The following CNTN5 variants were observed in gnomAD, a reference collection of about 807,000 sequenced individuals.
CNTN5 encodes the protein contactin-5.
CNTN5 carries 77 observed loss-of-function variants against 129.1 expected under a neutral mutation model. The ratio of observed to expected loss-of-function variants is 0.60; its 90% CI spans 0.50 to 0.72. CNTN5 has a LOEUF of 0.72. CNTN5 is among the 30% of genes least tolerant of loss of function. The pLI, the probability that CNTN5 is intolerant of heterozygous loss-of-function variation, is 0.00. For missense variants in CNTN5, 1,478 were observed against 1,328.8 expected (o/e 1.11, Z -1.75); for synonymous variants, 509 against 465.6 (o/e 1.09, Z -1.20).
chr11:99,728,791 T>TA lies in CNTN5; in HGVS notation c.56-90745dup, dbSNP rs954748566. Among the ~76,000 whole-genome samples the TA allele has an allele frequency of 2.6e-4, 40 of 151,794 alleles. No individual in the cohort carries two copies. The East Asian group carries it at 2.7e-3, about 10-fold the overall frequency. ...GCAAAAAGTCTGAGGTCTGAGGAGT[T>TA]AAAAAAAACAGTCAGCAGTCACTGG... On this transcript the variant is annotated intron_variant, in intron 3 of 24. Transcript: ENST00000524871.
chr11:99,243,753 T>C (rs1861682485), intron 1 of CNTN5, among the ~76,000 whole-genome samples: 1 of 146,542 alleles, frequency 6.8e-6, no homozygotes, highest in Admixed American at 7.4e-5. Context: ...TTTTTTTTTT[T>C]TGGAGATCAG....
rs76604953 is a variant in CNTN5, at chr11:100,200,787, A to G, written c.1884+7124A>G. Among the ~76,000 whole-genome samples, 251 of 152,094 alleles carry G rather than the reference A, an allele frequency of 1.7e-3. 2 individuals are homozygous for G. The East Asian group carries it at 0.032, about 20-fold the overall frequency. ...AAATAGAAGACACTCCTTACTCCTT[A>G]GAATTTGCTCTCCTAGGTTGTAAAT... On this transcript the variant is annotated intron_variant, in intron 15 of 24. Transcript: ENST00000524871.
chr11:99,538,896 C>T (rs1041331531), intron 2 of CNTN5, among the ~76,000 whole-genome samples: 1 of 152,040 alleles, frequency 6.6e-6, no homozygotes, highest in Admixed American at 6.6e-5. Flanking sequence ...TATTAATATG[C>T]TTAAATTTTC....
intron 3 of CNTN5, among the ~76,000 whole-genome samples, chr11:99,644,903 G>A (rs75044512): frequency 0.012 from 1,768 of 151,844 alleles, 35 homozygotes; most frequent in African/African-American, 0.04. Flanking sequence ...ATTGCACTTC[G>A]TATTTTAAAT....
chr11:99,516,685 T>G (rs747283785), intron 2 of CNTN5, among the ~76,000 whole-genome samples: 2 of 152,154 alleles, frequency 1.3e-5, no homozygotes, highest in African/African-American at 4.8e-5. Context: ...ACACTTGTTT[T>G]CAAAATATAT....
intron 7 of CNTN5, among the ~76,000 whole-genome samples, chr11:99,916,900 G>A (rs891542728): frequency 2.6e-5 from 4 of 152,010 alleles, no homozygotes; most frequent in Non-Finnish European, 5.9e-5. Flanking sequence ...AGGAATGAAG[G>A]CCTTAATTAA....
At chr11:99,057,304 G>A (rs1050759418) in intron 1 of CNTN5, among the ~76,000 whole-genome samples, 8 of 151,968 alleles carry the variant, frequency 5.3e-5, no homozygotes, top group Admixed American at 3.3e-4. Flanking sequence ...TATAAAGTTC[G>A]TATCTAACCA....
chr11:99,965,371 G>T (rs149480100), intron 8 of CNTN5, among the ~76,000 whole-genome samples: 4 of 151,816 alleles, frequency 2.6e-5, no homozygotes, highest in African/African-American at 9.7e-5. Flanking sequence ...CTTTGTTCTC[G>T]TTGGTTTCAA....
At chr11:99,964,217 G>C (rs532475260) in intron 8 of CNTN5, among the ~76,000 whole-genome samples, 28 of 151,748 alleles carry the variant, frequency 1.8e-4, no homozygotes, top group African/African-American at 6.6e-4. Context: ...AGTGGTGAGA[G>C]AGGGCATCCC....
intron 15 of CNTN5, among the ~76,000 whole-genome samples, chr11:100,208,723 G>A (rs951779033): frequency 6.6e-6 from 1 of 152,154 alleles, no homozygotes; most frequent in Admixed American, 6.6e-5. Flanking sequence ...ATCCACAGAA[G>A]TCTCATTCAA....
intron 1 of CNTN5, among the ~76,000 whole-genome samples, chr11:99,243,868 C>T (rs1443495572): frequency 6.6e-6 from 1 of 151,202 alleles, no homozygotes; most frequent in African/African-American, 2.4e-5. Flanking sequence ...GGTACTGAAG[C>T]TTTACAGTAT....
At chr11:99,180,732 T>A (rs772479236) in intron 1 of CNTN5, among the ~76,000 whole-genome samples, 1 of 152,078 alleles carries the variant, frequency 6.6e-6, no homozygotes, top group Non-Finnish European at 1.5e-5. Context: ...CCCTTACAGA[T>A]ACATAGGGAA....
At chr11:99,407,149 G>T (rs1283654227) in intron 2 of CNTN5, among the ~76,000 whole-genome samples, 1 of 151,766 alleles carries the variant, frequency 6.6e-6, no homozygotes, top group East Asian at 2.0e-4. Flanking sequence ...ACCACATCTG[G>T]GAATGTGCTG....
At chr11:99,769,217 C>G (rs908987575) in intron 3 of CNTN5, among the ~76,000 whole-genome samples, 2 of 152,066 alleles carry the variant, frequency 1.3e-5, no homozygotes, top group Admixed American at 1.3e-4. Flanking sequence ...TCATGACTGC[C>G]TTAAATTCTG....
chr11:100,334,819 G>C (rs1951995305), intron 21 of CNTN5, among the ~76,000 whole-genome samples: 1 of 151,966 alleles, frequency 6.6e-6, no homozygotes, highest in South Asian at 2.1e-4. Context: ...TCTCGCATTG[G>C]GTGCAGTATA....
At chr11:99,140,088 T>A in intron 1 of CNTN5, among the ~76,000 whole-genome samples, 1 of 152,176 alleles carries the variant, frequency 6.6e-6, no homozygotes, top group Non-Finnish European at 1.5e-5. Flanking sequence ...TAAAACATAA[T>A]GATTTCAAAA....
chr11:100,095,002 A>T (rs1267817409), intron 13 of CNTN5, among the ~76,000 whole-genome samples: 1 of 152,108 alleles, frequency 6.6e-6, no homozygotes, highest in Non-Finnish European at 1.5e-5. Context: ...AAATTACTTA[A>T]GCTAAGCAAA....
At chr11:99,340,783 A>C (rs1866476818) in intron 2 of CNTN5, among the ~76,000 whole-genome samples, 1 of 152,246 alleles carries the variant, frequency 6.6e-6, no homozygotes, top group Non-Finnish European at 1.5e-5. Flanking sequence ...AAAATAATTT[A>C]ATGAAAGTAA....
chr11:99,823,360 G>T (rs1242465527), intron 4 of CNTN5, among the ~76,000 whole-genome samples: 2 of 151,928 alleles, frequency 1.3e-5, no homozygotes, highest in Non-Finnish European at 2.9e-5. Context: ...CAACAGGTTG[G>T]TATTCTTTTC....
Sources: allele counts gnomAD v4.1 joint callset (sites outside exome capture counted in the v4.1 genomes callset), GRCh38; gene constraint gnomAD v4.1.1; transcripts MANE v1.5; gene names NCBI Gene and HGNC (gene_info 2026-07-23, HGNC 2026-07-21).